The following DGKB variants were observed in gnomAD, a reference collection of about 807,000 sequenced individuals.
DGKB encodes the protein 90 kDa diacylglycerol kinase.
In DGKB, 67 loss-of-function variants were observed where a neutral mutation model predicts 114.3. That is an observed-to-expected ratio of 0.59 (90% confidence interval 0.48 to 0.72). The LOEUF is 0.72. Ranked by LOEUF, DGKB falls within the 30% of genes least tolerant of loss-of-function variation. The probability of loss-of-function intolerance (pLI) is 0.00; values close to 1 mark genes in which losing one functional copy is unlikely to be tolerated. For missense variants in DGKB, 907 were observed against 975.2 expected, an observed-to-expected ratio of 0.93 and a Z score of 0.93; for synonymous variants, 398 against 323.1, an observed-to-expected ratio of 1.23 and a Z score of -2.49.
At chr7:14,254,400 T>C (rs975952313) in intron 23 of DGKB, among the ~76,000 whole-genome samples, 1 of 152,124 alleles carries the variant, frequency 6.6e-6, no homozygotes, top group African/African-American at 2.4e-5. Context: ...TGATAGAACA[T>C]AGAATTTATC....
At chr7:14,562,936 T>A (rs1243788053) in intron 20 of DGKB, among the ~76,000 whole-genome samples, 2 of 152,110 alleles carry the variant, frequency 1.3e-5, no homozygotes, top group Admixed American at 1.3e-4. Context: ...GAAGATATGG[T>A]TTGGCTGTGT....
chr7:14,579,122 C>G (rs994078441), intron 19 of DGKB, among the ~76,000 whole-genome samples: 1 of 152,124 alleles, frequency 6.6e-6, no homozygotes, highest in Admixed American at 6.6e-5. Flanking sequence ...TCTTCTGATT[C>G]TTTGATATTT....
intron 20 of DGKB, among the ~76,000 whole-genome samples, chr7:14,522,029 T>A (rs1278013966): frequency 2.0e-5 from 3 of 152,196 alleles, no homozygotes; most frequent in Admixed American, 6.6e-5. Flanking sequence ...TATTCTTTAT[T>A]TTTAAGCTTT....
At chr7:14,800,848 A>G (rs1842057872) in intron 2 of DGKB, among the ~76,000 whole-genome samples, 1 of 152,160 alleles carries the variant, frequency 6.6e-6, no homozygotes, top group Non-Finnish European at 1.5e-5. Context: ...CCAACCAGGC[A>G]GAAATAGTAA....
chr7:14,690,657 G>A (rs1381555411), intron 9 of DGKB, among the ~76,000 whole-genome samples: 1 of 152,210 alleles, frequency 6.6e-6, no homozygotes, highest in African/African-American at 2.4e-5. Flanking sequence ...TGCTGGAACA[G>A]CAGAGTTTAG....
At chr7:14,654,397 A>C (rs1815332680) in intron 13 of DGKB, among the ~76,000 whole-genome samples, 1 of 152,050 alleles carries the variant, frequency 6.6e-6, no homozygotes, top group South Asian at 2.1e-4. Context: ...AGAGGGCATA[A>C]AAATCAAAAG....
intron 2 of DGKB, among the ~76,000 whole-genome samples, chr7:14,776,531 A>G (rs530393686): frequency 6.6e-6 from 1 of 152,340 alleles, no homozygotes; most frequent in South Asian, 2.1e-4. Context: ...AGCTATGGCT[A>G]AAAGGGGCCA....
chr7:14,503,847 A>G (rs1786591527), intron 20 of DGKB, among the ~76,000 whole-genome samples: 1 of 133,776 alleles, frequency 7.5e-6, no homozygotes, highest in African/African-American at 2.8e-5. Flanking sequence ...AGTCCAGAGA[A>G]GATATCAGGA....
At chr7:14,305,062 A>G (rs910258765) in intron 23 of DGKB, among the ~76,000 whole-genome samples, 3 of 152,176 alleles carry the variant, frequency 2.0e-5, no homozygotes, top group Non-Finnish European at 2.9e-5. Context: ...ATATGCATAC[A>G]ATGTGTAATG....
At chr7:14,277,799 T>C (rs562364630) in intron 23 of DGKB, among the ~76,000 whole-genome samples, 1 of 152,352 alleles carries the variant, frequency 6.6e-6, no homozygotes, top group East Asian at 1.9e-4. Flanking sequence ...GTAGGATTGC[T>C]GGATCATATA....
At chr7:14,551,383 A>G (rs1359917990) in intron 20 of DGKB, among the ~76,000 whole-genome samples, 1 of 152,202 alleles carries the variant, frequency 6.6e-6, no homozygotes, top group Admixed American at 6.5e-5. Flanking sequence ...TGTGATACTA[A>G]TTTGTTTCTG....
chr7:14,389,197 A>G (rs972644279), intron 21 of DGKB, among the ~76,000 whole-genome samples: 2 of 152,050 alleles, frequency 1.3e-5, no homozygotes, highest in Non-Finnish European at 2.9e-5. Flanking sequence ...GGAGTTCCAC[A>G]TTTTCTTTGT....
chr7:14,470,417 T>C (rs377390025), intron 21 of DGKB, among the ~76,000 whole-genome samples: 121 of 151,994 alleles, frequency 8.0e-4, no homozygotes, highest in African/African-American at 2.7e-3. Context: ...AATGAACTTG[T>C]CTTGACTGAG....
At chr7:14,451,050 C>A (rs1483459862) in intron 21 of DGKB, among the ~76,000 whole-genome samples, 2 of 151,998 alleles carry the variant, frequency 1.3e-5, no homozygotes, top group African/African-American at 2.4e-5. Flanking sequence ...GCTTCTGCTA[C>A]CTTTCAGCAG....
chr7:14,750,848 G>A (rs1309841764), intron 4 of DGKB, among the ~76,000 whole-genome samples: 1 of 122,664 alleles, frequency 8.2e-6, no homozygotes, highest in Non-Finnish European at 1.6e-5. Flanking sequence ...TTGTTGCCCA[G>A]GCTGGAGTGC....
chr7:14,960,487 T>A (rs984089438), intron 1 of DGKB, among the ~76,000 whole-genome samples: 6 of 152,076 alleles, frequency 3.9e-5, no homozygotes, highest in Non-Finnish European at 8.8e-5. Context: ...TGTATTTTTT[T>A]AAATAAAATA....
intron 23 of DGKB, among the ~76,000 whole-genome samples, chr7:14,281,409 A>T (rs1288159131): frequency 3.8e-5 from 5 of 132,498 alleles, no homozygotes; most frequent in Non-Finnish European, 8.0e-5. Context: ...CACATTAATA[A>T]TGGGAGACTT....
At chr7:14,417,809 G>C (rs1026651810) in intron 21 of DGKB, among the ~76,000 whole-genome samples, 2 of 151,624 alleles carry the variant, frequency 1.3e-5, no homozygotes, top group Non-Finnish European at 2.9e-5. Context: ...GGATGAGAAG[G>C]ATAGTTTAAA....
At chr7:14,893,595 C>T (rs1007387570) in intron 1 of DGKB, among the ~76,000 whole-genome samples, 1 of 151,270 alleles carries the variant, frequency 6.6e-6, no homozygotes, top group African/African-American at 2.4e-5. Flanking sequence ...TTTCCTAGTT[C>T]GTTGCCGTTA....
Sources: allele counts gnomAD v4.1 joint callset (sites outside exome capture counted in the v4.1 genomes callset), GRCh38; gene constraint gnomAD v4.1.1; transcripts MANE v1.5; gene names NCBI Gene and HGNC (gene_info 2026-07-23, HGNC 2026-07-21).